The following DMD variants were observed in gnomAD, a reference collection of about 807,000 sequenced individuals.
DMD encodes the protein dystrophin.
DMD carries 63 observed loss-of-function variants against 330.1 expected under a neutral mutation model. That is an observed-to-expected ratio of 0.19 (90% CI 0.16 to 0.24). The LOEUF is 0.24. Among genes scored for constraint, DMD ranks in the 10% least tolerant of loss-of-function variants. The pLI, the probability that DMD is intolerant of heterozygous loss-of-function variation, is 1.00. For synonymous variants in DMD, 1,223 were observed against 959.8 expected (o/e 1.27, Z -5.07); for missense variants, 3,344 against 2,684.1 (o/e 1.25, Z -5.43).
At chrX:32,272,610 C>T (rs959950665) in intron 43 of DMD, among the ~76,000 whole-genome samples, 8 of 111,518 alleles carry the variant, frequency 7.2e-5, no homozygotes, top group African/African-American at 2.3e-4. Flanking sequence ...TAACTGGGGT[C>T]ACGATATAGA....
intron 1 of DMD, among the ~76,000 whole-genome samples, chrX:33,153,244 C>A (rs1478262958): frequency 1.8e-5 from 2 of 112,585 alleles, no homozygotes; most frequent in Non-Finnish European, 3.8e-5. Context: ...AACCCCGTTT[C>A]TATTAAAAAT....
chrX:31,878,843 G>A (rs1237020749), intron 47 of DMD, among the ~76,000 whole-genome samples: 1 of 112,241 alleles, frequency 8.9e-6, no homozygotes, highest in African/African-American at 3.2e-5. Context: ...AAGTCTGCAG[G>A]TACACTATGC....
intron 2 of DMD, among the ~76,000 whole-genome samples, chrX:32,864,277 G>A (rs1281411608): frequency 1.8e-5 from 2 of 111,813 alleles, no homozygotes; most frequent in East Asian, 2.8e-4. Context: ...CACAATATAA[G>A]TAACTTGAAT....
At chrX:33,082,808 T>C (rs67409392) in intron 1 of DMD, among the ~76,000 whole-genome samples, 22,412 of 111,265 alleles carry the variant, frequency 0.2, 2,551 homozygotes, top group African/African-American at 0.44. Flanking sequence ...TTCAGGGACC[T>C]GTAGCAAAGT....
intron 45 of DMD, among the ~76,000 whole-genome samples, chrX:31,967,295 G>A: frequency 1.3e-5 from 1 of 77,764 alleles, no homozygotes; most frequent in Non-Finnish European, 2.4e-5. Context: ...ACTTTGGCAA[G>A]GGGTGTGTGT....
intron 2 of DMD, among the ~76,000 whole-genome samples, chrX:32,882,084 A>G (rs767135640): frequency 1.8e-5 from 2 of 112,058 alleles, no homozygotes; most frequent in African/African-American, 3.2e-5. Context: ...TTAGAGAATC[A>G]GCTTCATCGC....
At chrX:31,450,965 C>T (rs192899895) in intron 59 of DMD, among the ~76,000 whole-genome samples, 1 of 111,686 alleles carries the variant, frequency 9.0e-6, no homozygotes, top group South Asian at 3.8e-4. Context: ...CTCAGAGTCA[C>T]TGAGGAATGG....
intron 29 of DMD, among the ~76,000 whole-genome samples, chrX:32,432,891 T>A (rs984449214): frequency 4.4e-5 from 5 of 112,373 alleles, no homozygotes; most frequent in African/African-American, 1.6e-4. Flanking sequence ...CGGCCCTCTC[T>A]GAGTCTATCA....
Position 31,323,501 on chromosome X carries a change from G to A in DMD, c.9224+97C>T, listed in dbSNP as rs190426930. The A allele has an allele frequency of 1.2e-4, 88 of 723,411 alleles. No homozygotes were observed. The African/African-American group carries it at 1.5e-3, about 13-fold the overall frequency. The allele number at this position is 723,411 out of a possible 1,213,427, so 59.6% of individuals were successfully genotyped here. A position where few individuals can be genotyped will look rare whatever the true frequency, so the allele number is the denominator to read the frequency against. ...GAAAAAAAAGACACAGGTATTGTAG[G>A]CCAGGCTAATGTCGCATTTTAAAAA... On this transcript the variant is annotated intron_variant, in intron 62 of 78. Coordinates refer to ENST00000357033, the MANE Select transcript of DMD (RefSeq NM_004006.3).
chrX:32,565,916 G>A (rs2051648032), intron 15 of DMD, 35 bp from the exon 16 acceptor site: 4 of 1,146,948 alleles, frequency 3.5e-6, no homozygotes, highest in Non-Finnish European at 4.8e-6. Context: ...AATAAGCCTG[G>A]GTTGCATTCC....
intron 50 of DMD, among the ~76,000 whole-genome samples, chrX:31,803,353 CA>C (rs1168028370): frequency 8.9e-6 from 1 of 112,582 alleles, no homozygotes; most frequent in Non-Finnish European, 1.9e-5. Flanking sequence ...GAATCTGTTA[CA>C]ATTGTGATGA....
At chrX:32,026,501 T>C (rs777668632) in intron 44 of DMD, among the ~76,000 whole-genome samples, 6 of 112,377 alleles carry the variant, frequency 5.3e-5, no homozygotes, top group Admixed American at 9.4e-5. Flanking sequence ...TACTAAACCC[T>C]GAAGACAAAA....
intron 2 of DMD, among the ~76,000 whole-genome samples, chrX:32,896,698 T>C (rs1361459662): frequency 1.8e-5 from 2 of 112,523 alleles, no homozygotes; most frequent in Non-Finnish European, 1.9e-5. Context: ...TTACCCAAGT[T>C]AAAATTTGGA....
chrX:32,735,751 A>G (rs147214944), intron 7 of DMD, among the ~76,000 whole-genome samples: 2 of 112,207 alleles, frequency 1.8e-5, no homozygotes, highest in South Asian at 7.4e-4. Flanking sequence ...CTCACACCTT[A>G]TACAAAAATC....
chrX:31,381,898 A>C (rs1479237914), intron 60 of DMD, among the ~76,000 whole-genome samples: 2 of 111,440 alleles, frequency 1.8e-5, no homozygotes, highest in African/African-American at 6.5e-5. Flanking sequence ...CCACACATCA[A>C]GTTCGAGGAT....
intron 1 of DMD, among the ~76,000 whole-genome samples, chrX:33,303,768 G>T (rs2053707397): frequency 9.0e-6 from 1 of 111,706 alleles, no homozygotes; most frequent in Admixed American, 9.6e-5. Context: ...CTTCTGCCAT[G>T]ATTGTAAGTT....
Position 32,522,524 on chromosome X carries a change from G to A in DMD, c.2169-4393C>T, listed in dbSNP as rs769742879. Among the ~76,000 whole-genome samples, 3 of 111,730 alleles carry A rather than the reference G, an allele frequency of 2.7e-5. No individual in the cohort carries two copies. The South Asian group carries it at 1.1e-3, about 42-fold the overall frequency. On this transcript the variant is annotated intron_variant, in intron 17 of 78. Coordinates refer to ENST00000357033, the MANE Select transcript of DMD (RefSeq NM_004006.3). ...CAAATTATTCTCTTCTAGCTACTTT[G>A]AAATATACGGTAGTAAAAACATATC...
intron 53 of DMD, among the ~76,000 whole-genome samples, chrX:31,666,658 C>T (rs1187557656): frequency 8.9e-6 from 1 of 111,781 alleles, no homozygotes; most frequent in Non-Finnish European, 1.9e-5. Flanking sequence ...AATAGGAAGC[C>T]ACATAAATGT....
At chrX:32,847,459 A>T (rs1055957018) in intron 3 of DMD, among the ~76,000 whole-genome samples, 1 of 112,206 alleles carries the variant, frequency 8.9e-6, no homozygotes, top group Admixed American at 9.5e-5. Context: ...TAGAATACTA[A>T]AATTTCTGTT....
Sources: gnomAD v4.1 joint callset for allele counts (sites outside exome capture counted in the v4.1 genomes callset) on GRCh38, gnomAD v4.1.1 for gene constraint, MANE v1.5 for transcripts, NCBI Gene and HGNC (gene_info 2026-07-23, HGNC 2026-07-21) for gene names.